ATAD2B: variants seen among roughly 807,000 people sequenced by gnomAD.
The protein encoded by ATAD2B is ATPase family AAA domain containing 2B, also known as ATPase family AAA domain-containing protein 2B.
A neutral mutation model predicts 167.6 loss-of-function variants in ATAD2B; 40 were observed. That is an observed-to-expected ratio of 0.24 (90% CI 0.19 to 0.31). The LOEUF is 0.31. Ranked by LOEUF, ATAD2B falls within the 10% of genes least tolerant of loss-of-function variation. The pLI is 1.00. For missense variants in ATAD2B, 1,242 were observed against 1,757.2 expected (o/e 0.71, Z 5.24); for synonymous variants, 579 against 596.5 (o/e 0.97, Z 0.43).
At chr2:23,859,722 C>CGGAT (rs1558673503) in intron 12 of ATAD2B, among the ~76,000 whole-genome samples, 1 of 151,834 alleles carries the variant, frequency 6.6e-6, no homozygotes, top group Admixed American at 6.6e-5. Context: ...TCGAGACAGG[C>CGGAT]GGATCTCTTG....
intron 1 of ATAD2B, among the ~76,000 whole-genome samples, chr2:23,907,434 G>A (rs1701660227): frequency 6.6e-6 from 1 of 151,922 alleles, no homozygotes; most frequent in African/African-American, 2.4e-5. Context: ...CCTCTTCAAG[G>A]AGAACTACAA....
intron 13 of ATAD2B, among the ~76,000 whole-genome samples, chr2:23,848,243 C>T (rs1375123254): frequency 6.6e-6 from 1 of 152,102 alleles, no homozygotes; most frequent in Non-Finnish European, 1.5e-5. Context: ...TGGCTCACAC[C>T]TATAATCCCC....
chr2:23,907,687 C>A (rs1316952692), intron 1 of ATAD2B, among the ~76,000 whole-genome samples: 1 of 152,132 alleles, frequency 6.6e-6, no homozygotes, highest in African/African-American at 2.4e-5. Flanking sequence ...CCAAGTCAAT[C>A]CTAAGCCAAA....
At chr2:23,915,431 A>G in intron 1 of ATAD2B, among the ~76,000 whole-genome samples, 1 of 150,794 alleles carries the variant, frequency 6.6e-6, no homozygotes, top group East Asian at 1.9e-4. Flanking sequence ...CCAGGAAAAC[A>G]AAGTCTTGAT....
chr2:23,757,554 T>C lies in ATAD2B; in HGVS notation c.3942A>G (p.Ser1314=). ...CAGTCGAAGTTTCTGGTTTTTCTTT[T>C]GACTGGTCCTCCAGAAGAATCTTTT... ...SEQKILLEDQ[S]KEKPETSTEN... is the part of the protein sequence containing the mutation. The change falls in exon 25 of 28, where the codon TCA becomes TCG. Residue 1314 remains serine (S), a synonymous_variant. Coordinates refer to ENST00000238789, the MANE Select transcript of ATAD2B (RefSeq NM_017552.4). 2 of 1,599,364 alleles carry C rather than the reference T, an allele frequency of 1.3e-6. No individual in the cohort carries two copies. The highest frequency in any genetic ancestry group is 1.1e-5 in the South Asian group (1 of 87,582).
At chr2:23,767,639 G>C (rs912699859) in intron 22 of ATAD2B, among the ~76,000 whole-genome samples, 2 of 152,148 alleles carry the variant, frequency 1.3e-5, no homozygotes, top group African/African-American at 4.8e-5. Flanking sequence ...CTGATCACTG[G>C]ATTGAGGGGA....
intron 22 of ATAD2B, among the ~76,000 whole-genome samples, chr2:23,776,529 G>A (rs1274042800): frequency 6.6e-6 from 1 of 152,210 alleles, no homozygotes; most frequent in Non-Finnish European, 1.5e-5. Flanking sequence ...TTGAGTCAGT[G>A]AGTAGAGAAG....
intron 1 of ATAD2B, among the ~76,000 whole-genome samples, chr2:23,919,188 A>AAAG (rs1553460804): frequency 1.7e-4 from 25 of 150,978 alleles, no homozygotes; most frequent in East Asian, 3.9e-4. Context: ...ATTAAAAAAA[A>AAAG]AGAGAGAGAG....
At chr2:23,874,416 C>T (rs895456120) in intron 8 of ATAD2B, among the ~76,000 whole-genome samples, 1 of 151,812 alleles carries the variant, frequency 6.6e-6, no homozygotes, top group African/African-American at 2.4e-5. Flanking sequence ...GTAACTTGAA[C>T]TTCATAAAAA....
At chr2:23,745,573 C>A (rs1467703121), downstream of ATAD2B, among the ~76,000 whole-genome samples, 2 of 152,130 alleles carry the variant, frequency 1.3e-5, no homozygotes, top group East Asian at 1.9e-4. Context: ...ATAGGACCCC[C>A]CAACCTGATG....
intron 23 of ATAD2B, among the ~76,000 whole-genome samples, chr2:23,763,966 G>A (rs992897616): frequency 3.9e-5 from 6 of 152,234 alleles, no homozygotes; most frequent in African/African-American, 9.6e-5. Context: ...AGTAGTATGC[G>A]CTTGTATGGG....
At chr2:23,797,138 A>C (rs1682752579) in intron 19 of ATAD2B, among the ~76,000 whole-genome samples, 1 of 152,130 alleles carries the variant, frequency 6.6e-6, no homozygotes, top group Non-Finnish European at 1.5e-5. Context: ...GTAAACAAAC[A>C]CTTTAACCAT....
At chr2:23,712,204 T>A in the ATAD2B span, among the ~76,000 whole-genome samples, 1 of 152,170 alleles carries the variant, frequency 6.6e-6, no homozygotes, top group African/African-American at 2.4e-5. Flanking sequence ...CCCCTCCAAG[T>A]CTGCCTGGAG....
At chr2:23,813,143 A>C (rs1685872906) in intron 17 of ATAD2B, among the ~76,000 whole-genome samples, 1 of 152,022 alleles carries the variant, frequency 6.6e-6, no homozygotes, top group South Asian at 2.1e-4. Flanking sequence ...ATAACAATTA[A>C]TAGAATGTAG....
At chr2:23,833,817 A>G in intron 14 of ATAD2B, 102 bp downstream of exon 14, 1 of 977,120 alleles carries the variant, frequency 1.0e-6, no homozygotes, top group Non-Finnish European at 1.5e-6. Context: ...CCTTAAGCAG[A>G]AAATCTGAAC....
chr2:23,685,588 G>A, the ATAD2B span: 1 of 152,310 alleles, frequency 6.6e-6, no homozygotes, highest in African/African-American at 2.4e-5. Flanking sequence ...CTTTCACATA[G>A]AGCCCAGCTG....
At chr2:23,911,426 A>G (rs1702286812) in intron 1 of ATAD2B, among the ~76,000 whole-genome samples, 1 of 151,922 alleles carries the variant, frequency 6.6e-6, no homozygotes, top group African/African-American at 2.4e-5. Context: ...GTAGTGGCAC[A>G]TGCTTGTAGT....
intron 1 of ATAD2B, among the ~76,000 whole-genome samples, chr2:23,898,344 T>A (rs764689814): frequency 6.6e-6 from 1 of 152,204 alleles, no homozygotes; most frequent in Non-Finnish European, 1.5e-5. Context: ...CACAACCCTT[T>A]ATCTTAACCC....
intron 2 of ATAD2B, 101 bp from the exon 3 acceptor site, chr2:23,888,500 T>G: frequency 1.3e-6 from 1 of 768,816 alleles, no homozygotes. Flanking sequence ...AAAACTTTTT[T>G]AAAAGTAAAG....
Sources: allele counts gnomAD v4.1 joint callset (sites outside exome capture counted in the v4.1 genomes callset), GRCh38; gene constraint gnomAD v4.1.1; transcripts MANE v1.5; gene names NCBI Gene and HGNC (gene_info 2026-07-23, HGNC 2026-07-21).